The following CATSPERT variants were observed in gnomAD, a reference collection of about 807,000 sequenced individuals.
CATSPERT encodes the protein cation channel sperm-associated targeting subunit tau.
At chr2:201,617,557 T>A in the CATSPERT span, among the ~76,000 whole-genome samples, 9 of 152,172 alleles carry the variant, frequency 5.9e-5, no homozygotes, top group African/African-American at 2.2e-4. Context: ...AAAAATTAAT[T>A]CAAGATGGAT....
chr2:201,525,680 G>A, the CATSPERT span, among the ~76,000 whole-genome samples: 1 of 152,078 alleles, frequency 6.6e-6, no homozygotes, highest in Non-Finnish European at 1.5e-5. Flanking sequence ...GAAACCAAAA[G>A]TTGGTTCTTT....
the CATSPERT span, among the ~76,000 whole-genome samples, chr2:201,536,724 A>G: frequency 6.6e-6 from 1 of 152,030 alleles, no homozygotes; most frequent in Non-Finnish European, 1.5e-5. Flanking sequence ...GAGAATATTA[A>G]TAGCACCACA....
At chr2:201,547,241 C>T in the CATSPERT span, among the ~76,000 whole-genome samples, 1 of 151,986 alleles carries the variant, frequency 6.6e-6, no homozygotes, top group African/African-American at 2.4e-5. Flanking sequence ...ATACTAAATG[C>T]CACTGAGTTC....
chr2:201,547,993 G>A, the CATSPERT span, among the ~76,000 whole-genome samples: 5 of 151,906 alleles, frequency 3.3e-5, no homozygotes, highest in African/African-American at 7.3e-5. Context: ...TAAACTATAC[G>A]TCTTAGTCAG....
the CATSPERT span, among the ~76,000 whole-genome samples, chr2:201,591,234 A>T: frequency 6.6e-6 from 1 of 152,102 alleles, no homozygotes; most frequent in Non-Finnish European, 1.5e-5. Flanking sequence ...CCATTTATTA[A>T]ATAGGGAATC....
At chr2:201,513,667 A>G in the CATSPERT span, among the ~76,000 whole-genome samples, 2 of 152,234 alleles carry the variant, frequency 1.3e-5, no homozygotes, top group African/African-American at 2.4e-5. Flanking sequence ...TAGCAAAGAC[A>G]TGGAGTCAAC....
the CATSPERT span, among the ~76,000 whole-genome samples, chr2:201,609,251 T>G: frequency 2.6e-5 from 4 of 152,134 alleles, no homozygotes; most frequent in African/African-American, 9.7e-5. Flanking sequence ...CTGGGGACTT[T>G]AACACACTAC....
chr2:201,570,032 A>C, the CATSPERT span, among the ~76,000 whole-genome samples: 1 of 152,044 alleles, frequency 6.6e-6, no homozygotes. Flanking sequence ...AAATACAAAA[A>C]TTAGCCAAAC....
the CATSPERT span, among the ~76,000 whole-genome samples, chr2:201,605,988 G>A: frequency 1.3e-4 from 20 of 152,174 alleles, no homozygotes; most frequent in African/African-American, 4.8e-4. Context: ...CTTTATAAGG[G>A]GCATTGAAGA....
At chr2:201,531,105 C>T in the CATSPERT span, among the ~76,000 whole-genome samples, 8,090 of 151,492 alleles carry the variant, frequency 0.053, 262 homozygotes, top group African/African-American at 0.076. Context: ...GGACTACAGG[C>T]GCCCGCCACC....
chr2:201,605,396 T>A, the CATSPERT span, among the ~76,000 whole-genome samples: 1 of 151,914 alleles, frequency 6.6e-6, no homozygotes, highest in Admixed American at 6.6e-5. Context: ...GGTGAAGGCA[T>A]CAGAGAAGAA....
At chr2:201,523,083 C>T in the CATSPERT span, among the ~76,000 whole-genome samples, 1 of 152,318 alleles carries the variant, frequency 6.6e-6, no homozygotes, top group African/African-American at 2.4e-5. Flanking sequence ...AGCCTCCCCC[C>T]ACCACTTTGC....
the CATSPERT span, among the ~76,000 whole-genome samples, chr2:201,593,575 G>A: frequency 1.1e-5 from 1 of 93,980 alleles, no homozygotes; most frequent in South Asian, 4.7e-4. Context: ...GTTGACAGTG[G>A]GGTGTTAAAG....
chr2:201,551,404 T>C, the CATSPERT span, among the ~76,000 whole-genome samples: 2 of 152,198 alleles, frequency 1.3e-5, no homozygotes, highest in Non-Finnish European at 2.9e-5. Flanking sequence ...TTTACTACCA[T>C]AAAATATACA....
the CATSPERT span, chr2:201,494,561 C>T: frequency 6.5e-7 from 1 of 1,536,904 alleles, no homozygotes; most frequent in Non-Finnish European, 8.7e-7. Flanking sequence ...ATATTAGGGT[C>T]ATGGGCCCAG....
the CATSPERT span, among the ~76,000 whole-genome samples, chr2:201,597,526 C>A: frequency 6.6e-6 from 1 of 152,094 alleles, no homozygotes; most frequent in East Asian, 1.9e-4. Flanking sequence ...GCTTCCTCCA[C>A]GCACCAAGAC....
chr2:201,487,811 CT>C, the CATSPERT span: 25 of 1,613,946 alleles, frequency 1.5e-5, no homozygotes, highest in South Asian at 2.4e-4. Context: ...ATCATCTGAG[CT>C]TTTTCCTAAA....
At chr2:201,490,644 A>G in the CATSPERT span, among the ~76,000 whole-genome samples, 6 of 152,176 alleles carry the variant, frequency 3.9e-5, no homozygotes, top group African/African-American at 1.2e-4. Flanking sequence ...ATAAAAAGGT[A>G]GTAGGTGTGT....
chr2:201,498,759 CCT>C, the CATSPERT span, among the ~76,000 whole-genome samples: 8 of 152,216 alleles, frequency 5.3e-5, no homozygotes, highest in African/African-American at 1.7e-4. Flanking sequence ...CGTTATCACC[CCT>C]CTCTTTCTCT....
Sources: gnomAD v4.1 joint callset for allele counts (sites outside exome capture counted in the v4.1 genomes callset) on GRCh38, gnomAD v4.1.1 for gene constraint, MANE v1.5 for transcripts, NCBI Gene and HGNC (gene_info 2026-07-23, HGNC 2026-07-21) for gene names.